SETD7: variants seen among roughly 807,000 people sequenced by gnomAD.
SETD7 encodes the protein SET domain containing 7, histone lysine methyltransferase.
SETD7 carries 16 observed loss-of-function variants against 41.8 expected under a neutral mutation model. That is an observed-to-expected ratio of 0.38 (90% CI 0.26 to 0.58). SETD7 has a LOEUF of 0.58. SETD7 is among the 20% of genes least tolerant of loss of function. SETD7 has a pLI of 0.64. For missense variants in SETD7, 346 were observed against 459.7 expected (o/e 0.75, Z 2.26); for synonymous variants, 163 against 169.7 (o/e 0.96, Z 0.31).
At chr4:139,526,749 GTGA>G (rs2111143418) in intron 4 of SETD7, among the ~76,000 whole-genome samples, 1 of 152,196 alleles carries the variant, frequency 6.6e-6, no homozygotes, top group Admixed American at 6.5e-5. Context: ...CTCAAATTAG[GTGA>G]TTCTTAAGTT....
chr4:139,513,082 G>A (rs556705946), intron 7 of SETD7, among the ~76,000 whole-genome samples: 5 of 152,098 alleles, frequency 3.3e-5, no homozygotes, highest in African/African-American at 4.8e-5. Flanking sequence ...TGCACAAAGG[G>A]TTGGTGAGAC....
chr4:139,539,944 C>T (rs1342955731), intron 2 of SETD7, among the ~76,000 whole-genome samples: 1 of 152,180 alleles, frequency 6.6e-6, no homozygotes, highest in Non-Finnish European at 1.5e-5. Flanking sequence ...TCTTGGACTT[C>T]ACACCCTCCA....
exon 8 of SETD7, chr4:139,496,502 C>T (rs1275480873): frequency 1.0e-5 from 7 of 701,848 alleles, no homozygotes; most frequent in Admixed American, 2.0e-5. Flanking sequence ...TTACACGTTC[C>T]CAGGTGATTC....
chr4:139,529,318 G>A, intron 3 of SETD7, 98 bp from the exon 4 acceptor site: 1 of 888,454 alleles, frequency 1.1e-6, no homozygotes, highest in Non-Finnish European at 1.7e-6. Flanking sequence ...TATTAATATA[G>A]CACCAGTAGG....
Position 139,533,155 on chromosome 4 carries a change from C to T in SETD7, c.372+10G>A, listed in dbSNP as rs1727534687. 1 of 1,609,492 alleles carries T rather than the reference C, an allele frequency of 6.2e-7. No individual in the cohort carries two copies. Among genetic ancestry groups the T allele is most frequent in the Non-Finnish European group, 8.5e-7 (1 of 1,175,918 alleles). ...TACTTTCCAGCAGAGTGAACAGTCA[C>T]ACGGCTTACTGGGTAATATATCCAG... On this transcript the variant is annotated intron_variant, in intron 3 of 7. Coordinates refer to ENST00000274031, the MANE Select transcript of SETD7 (RefSeq NM_030648.4).
chr4:139,521,448 G>A (rs577693443), intron 5 of SETD7, among the ~76,000 whole-genome samples: 16 of 151,442 alleles, frequency 1.1e-4, no homozygotes, highest in East Asian at 1.9e-4. Flanking sequence ...AGAAAAAAGC[G>A]CTCATAATTA....
At chr4:139,533,620 G>C (rs1234405107) in intron 2 of SETD7, among the ~76,000 whole-genome samples, 2 of 152,146 alleles carry the variant, frequency 1.3e-5, no homozygotes, top group East Asian at 3.9e-4. Context: ...AGAAAATAGA[G>C]AAGAAAAAAG....
intron 4 of SETD7, among the ~76,000 whole-genome samples, chr4:139,524,890 C>T (rs1455498564): frequency 6.6e-6 from 1 of 152,164 alleles, no homozygotes; most frequent in African/African-American, 2.4e-5. Context: ...GATCTCAGCT[C>T]ACTGCAACCT....
chr4:139,530,040 T>C (rs1050282260), intron 3 of SETD7, among the ~76,000 whole-genome samples: 4 of 152,354 alleles, frequency 2.6e-5, no homozygotes, highest in East Asian at 3.9e-4. Context: ...TATAATTCTA[T>C]ACCTTGATAA....
intron 2 of SETD7, among the ~76,000 whole-genome samples, chr4:139,534,151 CA>C (rs1191892724): frequency 6.6e-6 from 1 of 152,130 alleles, no homozygotes; most frequent in Non-Finnish European, 1.5e-5. Context: ...ATTTTACCAG[CA>C]CTTCTCCATC....
rs184234161 is a variant in SETD7, at chr4:139,537,640, T to G, written c.171-4274A>C. On this transcript the variant is annotated intron_variant, in intron 2 of 7. Transcript: ENST00000274031. The stretch of plus-strand genomic sequence containing the variant: ...TTGTAAGCCCTTTATGGGAACAAAT[T>G]AGGAAATATGCATCCACGTATCCCC... Among the ~76,000 whole-genome samples, 425 of 152,330 alleles carry G rather than the reference T, an allele frequency of 2.8e-3. 1 individual carries two copies. The highest frequency in any genetic ancestry group is 9.8e-3 in the African/African-American group (408 of 41,574).
intron 7 of SETD7, among the ~76,000 whole-genome samples, chr4:139,516,666 A>AT (rs201547570): frequency 9.9e-5 from 15 of 152,128 alleles, no homozygotes; most frequent in African/African-American, 2.9e-4. Flanking sequence ...GGATTATTTG[A>AT]TTTTTTAAAA....
At chr4:139,537,265 G>A (rs148961877) in intron 2 of SETD7, among the ~76,000 whole-genome samples, 11 of 152,234 alleles carry the variant, frequency 7.2e-5, no homozygotes, top group East Asian at 3.9e-4. Flanking sequence ...GTGAGCCACC[G>A]CGCCTGGCTG....
At chr4:139,518,125 C>T in intron 6 of SETD7, 83 bp from the exon 7 acceptor site, 2 of 1,391,380 alleles carry the variant, frequency 1.4e-6, no homozygotes, top group Non-Finnish European at 1.9e-6. Context: ...ACTCATTTAT[C>T]TTATTATTAT....
intron 4 of SETD7, among the ~76,000 whole-genome samples, chr4:139,527,472 T>G (rs1489267478): frequency 6.6e-6 from 1 of 152,154 alleles, no homozygotes; most frequent in Non-Finnish European, 1.5e-5. Context: ...GCAGGAGGAT[T>G]GCTTGAGCTC....
chr4:139,503,179 GA>G (rs11388022), downstream of SETD7, among the ~76,000 whole-genome samples: 1,215 of 73,136 alleles, frequency 0.017, 15 homozygotes, highest in African/African-American at 0.05. Context: ...CTCTGTCTCA[GA>G]AAAAAAAAAA....
chr4:139,525,407 C>G (rs1384672467), intron 4 of SETD7, among the ~76,000 whole-genome samples: 1 of 152,212 alleles, frequency 6.6e-6, no homozygotes, highest in Non-Finnish European at 1.5e-5. Context: ...TTTACACATC[C>G]TTTACTTTCC....
intron 2 of SETD7, among the ~76,000 whole-genome samples, chr4:139,545,454 T>C (rs896853917): frequency 6.6e-6 from 1 of 152,206 alleles, no homozygotes; most frequent in African/African-American, 2.4e-5. Flanking sequence ...AATGGGCCTC[T>C]ATGGCACTCA....
At chr4:139,546,767 C>T in intron 2 of SETD7, 153 bp downstream of exon 2, 1 of 974,728 alleles carries the variant, frequency 1.0e-6, no homozygotes, top group Non-Finnish European at 1.6e-6. Context: ...GGTGACTTCC[C>T]CAGTCACCAA....
Sources: gnomAD v4.1 joint callset for allele counts (sites outside exome capture counted in the v4.1 genomes callset) on GRCh38, gnomAD v4.1.1 for gene constraint, MANE v1.5 for transcripts, NCBI Gene and HGNC (gene_info 2026-07-23, HGNC 2026-07-21) for gene names.